Variants in TMEM18 observed in about 807,000 individuals in gnomAD.
TMEM18 encodes transmembrane protein 18.
A neutral mutation model predicts 17.4 loss-of-function variants in TMEM18; 14 were observed. The ratio of observed to expected loss-of-function variants is 0.80; its 90% CI spans 0.53 to 1.25. The LOEUF is 1.25. Ranked by LOEUF, TMEM18 falls within the 50% of genes most tolerant of loss-of-function variation. The pLI is 0.00. For synonymous variants in TMEM18, 86 were observed against 66.1 expected, an observed-to-expected ratio of 1.30 and a Z score of -1.46; for missense variants, 187 against 172.1, an observed-to-expected ratio of 1.09 and a Z score of -0.48.
Position 666,823 on chromosome 2 carries a change from G to A in TMEM18, c.*2757C>T, listed in dbSNP as rs1678704613. Among the ~76,000 whole-genome samples the A allele has an allele frequency of 6.6e-6, 1 of 152,110 alleles. No homozygotes were observed. The highest frequency in any genetic ancestry group is 1.5e-5 in the Non-Finnish European group (1 of 68,028). On this transcript the variant is annotated 3_prime_UTR_variant, in exon 5 of 5. Transcript: ENST00000281017. ...GAGGGGAAGGCTGCACTGAAAACATGTTCTGGTTAACTTGGTGAAAGAAGA... is the reference window on the plus strand; with the variant it reads ...GAGGGGAAGGCTGCACTGAAAACATATTCTGGTTAACTTGGTGAAAGAAGA...
Position 665,784 on chromosome 2 carries a change from G to C in TMEM18, c.*3796C>G, listed in dbSNP as rs1158859080. 6.6e-6 allele frequency among the ~76,000 whole-genome samples: 1 copy of C among 151,460 alleles called. No individual in the cohort carries two copies. The highest frequency in any genetic ancestry group is 1.5e-5 in the Non-Finnish European group (1 of 67,936). ...AACCCCACACACAACAGGACCCAGA[G>C]ATGCAGATGCCCCACTCACTCAGAT... On this transcript the variant is annotated 3_prime_UTR_variant, in exon 5 of 5. Coordinates refer to ENST00000281017, the MANE Select transcript of TMEM18 (RefSeq NM_152834.4).
Position 668,036 on chromosome 2 carries a change from T to G in TMEM18, c.*1544A>C, listed in dbSNP as rs1450456014. On this transcript the variant is annotated 3_prime_UTR_variant, in exon 5 of 5. Coordinates refer to ENST00000281017, the MANE Select transcript of TMEM18 (RefSeq NM_152834.4). ...CATGGCCGGGGAGGCCTCGGGAAAC[T>G]TACAATCATGGCAGAGGGAGAAACA... The G allele has an allele frequency of 6.6e-6, 1 of 152,222 alleles. No individual in the cohort carries two copies. The highest frequency in any genetic ancestry group is 1.5e-5 in the Non-Finnish European group (1 of 68,048). The allele number at this position is 152,222 out of a possible 1,614,324, so 9.4% of individuals were successfully genotyped here.
At chr2:673,768 G>C (rs1330806243) in intron 2 of TMEM18, among the ~76,000 whole-genome samples, 1 of 133,232 alleles carries the variant, frequency 7.5e-6, no homozygotes, top group East Asian at 2.7e-4. Flanking sequence ...GGATGGGGGG[G>C]AAGGAGAGGA....
intron 1 of TMEM18, chr2:676,632 G>A (rs1007220114): frequency 4.5e-6 from 7 of 1,550,202 alleles, no homozygotes; most frequent in Non-Finnish European, 4.4e-6. Flanking sequence ...ACCCCATCGA[G>A]TGCCCATGTC....
intron 2 of TMEM18, among the ~76,000 whole-genome samples, chr2:673,253 C>G (rs1678901068): frequency 6.6e-6 from 1 of 152,218 alleles, no homozygotes; most frequent in African/African-American, 2.4e-5. Flanking sequence ...AGACCCAGAG[C>G]TGACAACCAA....
chr2:672,693 G>T, intron 3 of TMEM18, 115 bp downstream of exon 3: 1 of 964,112 alleles, frequency 1.0e-6, no homozygotes, highest in Non-Finnish European at 1.5e-6. Flanking sequence ...GGCACGGGCT[G>T]TGCACAGCTG....
At chr2:676,846 A>G (rs1572415172) in intron 1 of TMEM18, 5 of 604,054 alleles carry the variant, frequency 8.3e-6, no homozygotes, top group Non-Finnish European at 1.2e-5. Flanking sequence ...GCCGGCGTGC[A>G]CCTCCCACAC....
chr2:677,147 C>A (rs960774426), intron 1 of TMEM18, 142 bp downstream of exon 1: 13 of 1,094,772 alleles, frequency 1.2e-5, no homozygotes, highest in Non-Finnish European at 1.6e-5. Flanking sequence ...GTCTCAGGAC[C>A]CTGCCCAGCG....
intron 2 of TMEM18, 150 bp downstream of exon 2, chr2:675,360 G>A: frequency 2.6e-6 from 3 of 1,176,394 alleles, no homozygotes; most frequent in Non-Finnish European, 3.6e-6. Context: ...TTCCAAGAGT[G>A]AAAAACGGGA....
At chr2:673,077 T>C (rs555700542) in intron 2 of TMEM18, among the ~76,000 whole-genome samples, 3 of 152,330 alleles carry the variant, frequency 2.0e-5, no homozygotes, top group East Asian at 1.9e-4. Flanking sequence ...CAATGCTCTA[T>C]GGTCTCACTC....
rs1452358539 is a variant in TMEM18, at chr2:667,424, C to T, written c.*2156G>A. ...GTGAAAAATAATTTTGATCCCAAAC[C>T]TCCTTTCCTGTACTTTATCAGTAGA... is the stretch of plus-strand genomic sequence containing the variant. On this transcript the variant is annotated 3_prime_UTR_variant, in exon 5 of 5. Coordinates refer to ENST00000281017, the MANE Select transcript of TMEM18 (RefSeq NM_152834.4). 6.6e-6 allele frequency: 1 copy of T among 152,148 alleles called. No individual in the cohort carries two copies. Among genetic ancestry groups the T allele is most frequent in the Non-Finnish European group, 1.5e-5 (1 of 68,034 alleles). The allele number at this position is 152,148 out of a possible 1,614,324, so 9.4% of individuals were successfully genotyped here.
chr2:664,871 C>G lies in TMEM18; in HGVS notation c.*4709G>C, dbSNP rs940880243. ...CATCTCTAATATCAGTAACTGGTTA[C>G]GTAAATTCAGCCTATACCCCTACAA... On this transcript the variant is annotated 3_prime_UTR_variant, in exon 5 of 5. Coordinates refer to ENST00000281017, the MANE Select transcript of TMEM18 (RefSeq NM_152834.4). Among the ~76,000 whole-genome samples, 1 of 152,146 alleles carries G rather than the reference C, an allele frequency of 6.6e-6. No individual in the cohort carries two copies. The highest frequency in any genetic ancestry group is 1.5e-5 in the Non-Finnish European group (1 of 68,036).
rs554680410 is a variant in TMEM18, at chr2:676,920, G to A, written c.57+369C>T. On this transcript the variant is annotated intron_variant, in intron 1 of 4. Coordinates refer to ENST00000281017, the MANE Select transcript of TMEM18 (RefSeq NM_152834.4). ...CAGCCACGCCCGCACGGTGCAGGAC[G>A]CCAGCCCAGCCCAAGCCCGGGCCAC... 4 of 489,360 alleles carry A rather than the reference G, an allele frequency of 8.2e-6. No individual in the cohort carries two copies. The South Asian group carries it at 1.3e-4, about 15-fold the overall frequency. The allele number at this position is 489,360 out of a possible 1,614,324, so 30.3% of individuals were successfully genotyped here.
rs1047776401 is a variant in TMEM18 at position 676,650 on chromosome 2, G to A, written c.57+639C>T. ...CCATCGAGTGCCCATGTCACCCCTT[G>A]GCGGCCACGTGGGGCGTGGGCTCCC... On this transcript the variant is annotated intron_variant, in intron 1 of 4. Coordinates refer to ENST00000281017, the MANE Select transcript of TMEM18 (RefSeq NM_152834.4). 8 of 1,549,192 alleles carry A rather than the reference G, an allele frequency of 5.2e-6. 1 individual carries two copies. Among genetic ancestry groups the A allele is most frequent in the Non-Finnish European group, 7.0e-6 (8 of 1,146,370 alleles).
chr2:672,942 A>T, intron 2 of TMEM18, 80 bp from the exon 3 acceptor site: 2 of 1,260,480 alleles, frequency 1.6e-6, no homozygotes, highest in Non-Finnish European at 2.2e-6. Context: ...TTTACAGCAG[A>T]ATACTGAATA....
chr2:675,944 T>C, intron 1 of TMEM18: 1 of 1,375,446 alleles, frequency 7.3e-7, no homozygotes, highest in Non-Finnish European at 9.6e-7. Flanking sequence ...GAATCATGTT[T>C]TTAAGGTGGG....
intron 3 of TMEM18, among the ~76,000 whole-genome samples, chr2:671,145 T>C (rs1054961558): frequency 1.3e-5 from 2 of 152,074 alleles, no homozygotes; most frequent in African/African-American, 4.8e-5. Context: ...GACGTCCTGG[T>C]GCCCAGTCCA....
chr2:671,845 A>G (rs2103091561), intron 3 of TMEM18, among the ~76,000 whole-genome samples: 1 of 149,448 alleles, frequency 6.7e-6, no homozygotes, highest in East Asian at 2.0e-4. Context: ...CTGGGACTGA[A>G]CCATGTGAAG....
chr2:675,910 T>C (rs763545144), intron 1 of TMEM18: 2 of 1,446,172 alleles, frequency 1.4e-6, no homozygotes, highest in Non-Finnish European at 1.8e-6. Flanking sequence ...GCATCTCTGA[T>C]GTGCTCCTTT....
Sources: allele counts gnomAD v4.1 joint callset (sites outside exome capture counted in the v4.1 genomes callset), GRCh38; gene constraint gnomAD v4.1.1; transcripts MANE v1.5; gene names NCBI Gene and HGNC (gene_info 2026-07-23, HGNC 2026-07-21).